NDC1: variants seen among roughly 807,000 people sequenced by gnomAD.
NDC1 encodes NDC1 transmembrane nucleoporin.
NDC1 carries 24 observed loss-of-function variants against 89.8 expected under a neutral mutation model. The ratio of observed to expected loss-of-function variants is 0.27; its 90% CI spans 0.19 to 0.38. The LOEUF (loss-of-function observed/expected upper bound fraction) is 0.38. Ranked by LOEUF, NDC1 falls within the 10% of genes least tolerant of loss-of-function variation. NDC1 has a pLI of 1.00. For missense variants in NDC1, 728 were observed against 797.6 expected (o/e 0.91, Z 1.05); for synonymous variants, 296 against 284.8 (o/e 1.04, Z -0.39).
intron 16 of NDC1, among the ~76,000 whole-genome samples, chr1:53,777,778 T>C (rs1647174776): frequency 1.3e-5 from 2 of 152,164 alleles, no homozygotes; most frequent in East Asian, 1.9e-4. Flanking sequence ...TGTAGTGGTA[T>C]GATTACAGCT....
Position 53,797,033 on chromosome 1 carries a change from C to T in NDC1, c.1334G>A (p.Ser445Asn). Residue 445 changes from serine (S) to asparagine (N), a missense_variant, in exon 12 of 18, where the codon AGC (serine) becomes AAC (asparagine). Coordinates refer to ENST00000371429, the MANE Select transcript of NDC1 (RefSeq NM_018087.5). Reference sequence around the variant, plus strand: ...AGAGCCAAATGGGGTCCCAAATGGGCTCACAACATCAGGTGTAGATAATTT... The same window carrying T: ...AGAGCCAAATGGGGTCCCAAATGGGTTCACAACATCAGGTGTAGATAATTT... ...SSKLSTPDVVSPFGTPFGSSV... is the reference protein window; with the variant it reads ...SSKLSTPDVVNPFGTPFGSSV... 1 of 1,614,056 alleles carries T rather than the reference C, an allele frequency of 6.2e-7. No individual in the cohort carries two copies. The highest frequency in any genetic ancestry group is 1.1e-5 in the South Asian group (1 of 91,076).
chr1:53,803,641 G>A (rs574016927), intron 10 of NDC1, among the ~76,000 whole-genome samples: 2 of 151,928 alleles, frequency 1.3e-5, no homozygotes, highest in East Asian at 1.9e-4. Flanking sequence ...GCGCAATCTC[G>A]GCTCACTGCA....
chr1:53,797,102 C>G lies in NDC1; in HGVS notation c.1265G>C (p.Arg422Pro). Residue 422 changes from arginine (R) to proline (P), a missense_variant, in exon 12 of 18, where the codon CGG becomes CCG. Physicochemically the swap from Arg to Pro is moderately radical, Grantham distance 103. Coordinates refer to ENST00000371429, the MANE Select transcript of NDC1 (RefSeq NM_018087.5). ...TTTAACTAATGGTGGCACTGAAGGC[C>G]GAGGCATCTGGCTAGATTTTGGTGT... is the stretch of plus-strand genomic sequence containing the variant. Reference protein sequence around the residue: ...FQTPKSSQMPRPSVPPLVKTS... With the variant: ...FQTPKSSQMPPPSVPPLVKTS... The G allele has an allele frequency of 1.2e-6, 2 of 1,614,094 alleles. No individual in the cohort carries two copies. The highest frequency in any genetic ancestry group is 1.7e-6 in the Non-Finnish European group (2 of 1,179,988).
chr1:53,811,495 T>C (rs1400298044), intron 6 of NDC1, among the ~76,000 whole-genome samples: 1 of 152,044 alleles, frequency 6.6e-6, no homozygotes, highest in Non-Finnish European at 1.5e-5. Context: ...TGACTGCCAC[T>C]TTCCCCCACT....
At chr1:53,808,257 A>G (rs183660902) in intron 7 of NDC1, among the ~76,000 whole-genome samples, 2 of 152,364 alleles carry the variant, frequency 1.3e-5, no homozygotes, top group Admixed American at 6.5e-5. Flanking sequence ...AATTTAAGAC[A>G]CTCTGTTAGA....
Position 53,825,913 on chromosome 1 carries a change from G to C in NDC1, c.479C>G (p.Thr160Ser). 1 of 1,612,192 alleles carries C rather than the reference G, an allele frequency of 6.2e-7. No homozygotes were observed. The highest frequency in any genetic ancestry group is 8.5e-7 in the Non-Finnish European group (1 of 1,179,362). Residue 160 changes from threonine to serine, a missense_variant, in exon 5 of 18, where the codon ACC becomes AGC. By Grantham distance (58) the Thr-to-Ser change is moderately conservative. Transcript: ENST00000371429. ...TNSFGSPAAQ[T>S]CLNEYHLFFL... ...AAAAAGATGATATTCATTTAAGCAGGTTTGCGCAGCAGGGCTACCAAAGCT... is the reference window on the plus strand; with the variant it reads ...AAAAAGATGATATTCATTTAAGCAGCTTTGCGCAGCAGGGCTACCAAAGCT...
chr1:53,833,278 A>G (rs1334184057), intron 2 of NDC1, among the ~76,000 whole-genome samples: 1 of 151,968 alleles, frequency 6.6e-6, no homozygotes, highest in African/African-American at 2.4e-5. Context: ...CTCCTGCCTC[A>G]GCCTTCCAGT....
At chr1:53,835,089 G>C (rs149781708) in intron 2 of NDC1, among the ~76,000 whole-genome samples, 7 of 152,100 alleles carry the variant, frequency 4.6e-5, no homozygotes, top group African/African-American at 1.7e-4. Context: ...TTCAAAAAAA[G>C]AAATCAAGTG....
intron 6 of NDC1, among the ~76,000 whole-genome samples, chr1:53,814,828 CT>C (rs1280518067): frequency 6.6e-6 from 1 of 152,134 alleles, no homozygotes; most frequent in East Asian, 1.9e-4. Flanking sequence ...TGAACAACAC[CT>C]TTACGCACAT....
At chr1:53,820,260 A>AG (rs1175178757) in intron 5 of NDC1, among the ~76,000 whole-genome samples, 1 of 152,166 alleles carries the variant, frequency 6.6e-6, no homozygotes, top group African/African-American at 2.4e-5. Context: ...GTCTCAAAAA[A>AG]AAAACAAAAA....
intron 17 of NDC1, among the ~76,000 whole-genome samples, chr1:53,768,317 G>C (rs1177385855): frequency 6.6e-6 from 1 of 152,128 alleles, no homozygotes; most frequent in African/African-American, 2.4e-5. Context: ...CCTGCTGTGC[G>C]GAGTTCCAGG....
intron 11 of NDC1, among the ~76,000 whole-genome samples, chr1:53,798,603 G>A (rs554802337): frequency 1.2e-4 from 18 of 148,046 alleles, no homozygotes; most frequent in Admixed American, 1.0e-3. Flanking sequence ...CACCCAGACT[G>A]GAGTGCAGTG....
rs746063035 is a variant in NDC1 at position 53,796,805 on chromosome 1, C to T, written c.1469-1G>A. ...TTAGAAAATTCAGTCATTTGCTGATCTATTTTTAAAAAAGAAAAGGCAAGA... is the reference window on the plus strand; with the variant it reads ...TTAGAAAATTCAGTCATTTGCTGATTTATTTTTAAAAAAGAAAAGGCAAGA... On this transcript the variant is annotated splice_acceptor_variant, in intron 12 of 17. Transcript: ENST00000371429. LOFTEE classifies it high-confidence loss of function. 1.9e-6 allele frequency: 3 copies of T among 1,605,370 alleles called. No homozygotes were observed. Among genetic ancestry groups the T allele is most frequent in the Non-Finnish European group, 8.5e-7 (1 of 1,177,668 alleles).
chr1:53,794,366 G>A (rs1303948130), intron 13 of NDC1, among the ~76,000 whole-genome samples: 1 of 152,188 alleles, frequency 6.6e-6, no homozygotes, highest in Non-Finnish European at 1.5e-5. Context: ...AAGTGAATCT[G>A]CTCCTACCAT....
At chr1:53,785,665 C>T (rs558919582) in intron 16 of NDC1, among the ~76,000 whole-genome samples, 8 of 151,588 alleles carry the variant, frequency 5.3e-5, no homozygotes, top group South Asian at 2.1e-4. Context: ...CTCTACCTCC[C>T]GGGTTCAAGC....
intron 17 of NDC1, among the ~76,000 whole-genome samples, chr1:53,768,523 A>G (rs913704779): frequency 9.8e-5 from 15 of 152,318 alleles, no homozygotes; most frequent in African/African-American, 3.6e-4. Flanking sequence ...CCCTTTGAAC[A>G]TAAGTTATGT....
chr1:53,787,417 G>A (rs2100638471), intron 15 of NDC1, among the ~76,000 whole-genome samples, 159 bp from the exon 16 acceptor site: 1 of 152,280 alleles, frequency 6.6e-6, no homozygotes, highest in Non-Finnish European at 1.5e-5. Flanking sequence ...GGGAGGCTGA[G>A]GCAGGCAGAT....
chr1:53,836,809 A>C (rs562606881), intron 1 of NDC1, among the ~76,000 whole-genome samples: 2 of 152,330 alleles, frequency 1.3e-5, no homozygotes, highest in Non-Finnish European at 2.9e-5. Flanking sequence ...CTCAAAATGG[A>C]TTAAAGACCT....
intron 1 of NDC1, among the ~76,000 whole-genome samples, chr1:53,835,978 A>C (rs1649219763): frequency 6.6e-6 from 1 of 152,104 alleles, no homozygotes; most frequent in Non-Finnish European, 1.5e-5. Flanking sequence ...GTATACTGTA[A>C]CTGTATTTAT....
Sources: allele counts gnomAD v4.1 joint callset (sites outside exome capture counted in the v4.1 genomes callset), GRCh38; gene constraint gnomAD v4.1.1; transcripts MANE v1.5; gene names NCBI Gene and HGNC (gene_info 2026-07-23, HGNC 2026-07-21).